The following ZBTB38 variants were observed in gnomAD, a reference collection of about 807,000 sequenced individuals.
ZBTB38 encodes the protein zinc finger and BTB domain containing 38.
ZBTB38 carries 20 observed loss-of-function variants against 76.8 expected under a neutral mutation model. The observed-to-expected ratio is 0.26, with a 90% CI of 0.18 to 0.38. The LOEUF is 0.38. Among genes scored for constraint, ZBTB38 ranks in the 10% least tolerant of loss-of-function variants. The pLI is 1.00. For synonymous variants in ZBTB38, 504 were observed against 544.2 expected (o/e 0.93, Z 1.03); for missense variants, 1,082 against 1,482.3 (o/e 0.73, Z 4.43).
rs1319336825 is a variant in ZBTB38 at position 141,406,059 on chromosome 3, A to ACTGTAT, written c.-1+2028_-1+2029insCTGTAT. Among the ~76,000 whole-genome samples the ACTGTAT allele has an allele frequency of 1.3e-3, 202 of 152,336 alleles. 1 individual carries two copies. Among genetic ancestry groups the ACTGTAT allele is most frequent in the African/African-American group, 4.5e-3 (188 of 41,564 alleles). On this transcript the variant is annotated intron_variant, in intron 5 of 5. Transcript: ENST00000321464. ...GGAGAAACTTGGAGCATATTCAGGG[A>ACTGTAT]AAAGCATCAAGTCCAACTGAGTTAG...
Position 141,443,491 on chromosome 3 carries a change from A to G in ZBTB38, c.1103A>G (p.Gln368Arg). The change falls in exon 6 of 6, where the codon CAG becomes CGG. Residue 368 changes from glutamine to arginine, a missense_variant. Coordinates refer to ENST00000321464, the MANE Select transcript of ZBTB38 (RefSeq NM_001376113.1). The surrounding 1 kb of genome is among the most constrained non-coding windows in gnomAD (Gnocchi z 5.6). The part of the protein sequence containing the change: ...SAHMQLHKPT[Q>R]EPLVCKYCNK... Reference sequence around the variant, plus strand: ...CACATGCAGCTTCACAAGCCAACCCAGGAGCCTTTAGTGTGCAAGTATTGC... The same window carrying G: ...CACATGCAGCTTCACAAGCCAACCCGGGAGCCTTTAGTGTGCAAGTATTGC... The G allele has an allele frequency of 1.2e-6, 2 of 1,614,220 alleles. No homozygotes were observed. Among genetic ancestry groups the G allele is most frequent in the Non-Finnish European group, 1.7e-6 (2 of 1,180,046 alleles).
Position 141,445,280 on chromosome 3 carries a change from G to C in ZBTB38, c.2892G>C (p.Lys964Asn), listed in dbSNP as rs772970534. The change falls in exon 6 of 6, where the codon AAG becomes AAC. Residue 964 changes from lysine to asparagine, a missense_variant. Physicochemically the swap from Lys to Asn is moderately conservative, Grantham distance 94. Coordinates refer to ENST00000321464, the MANE Select transcript of ZBTB38 (RefSeq NM_001376113.1). The surrounding 1 kb of genome is among the most constrained non-coding windows in gnomAD (Gnocchi z 6.5). ...YPAELDCAVG[K>N]APQDKPFEEE... ...CAGAACTGGATTGCGCCGTGGGGAA[G>C]GCTCCTCAGGATAAACCCTTTGAGG... 3.7e-6 allele frequency: 6 copies of C among 1,614,216 alleles called. No individual in the cohort carries two copies. Among genetic ancestry groups the C allele is most frequent in the Non-Finnish European group, 8.5e-7 (1 of 1,180,040 alleles).
At chr3:141,414,410 C>T (rs2073449915) in intron 5 of ZBTB38, among the ~76,000 whole-genome samples, 2 of 152,192 alleles carry the variant, frequency 1.3e-5, no homozygotes, top group Admixed American at 1.3e-4. Flanking sequence ...GTCTAAGGCC[C>T]AGCCCAGGGA....
chr3:141,434,113 G>A (rs1200044589), intron 5 of ZBTB38: 1 of 782,494 alleles, frequency 1.3e-6, no homozygotes, highest in Non-Finnish European at 1.6e-6. Context: ...AGCTCATAGG[G>A]AAGATATAAA....
chr3:141,328,723 G>A (rs977985386), intron 1 of ZBTB38, among the ~76,000 whole-genome samples: 1 of 152,062 alleles, frequency 6.6e-6, no homozygotes, highest in Non-Finnish European at 1.5e-5. Context: ...ACCCTCCAAG[G>A]CGCTCTGTCA....
At chr3:141,420,463 G>A (rs1243956798) in intron 5 of ZBTB38, among the ~76,000 whole-genome samples, 2 of 152,162 alleles carry the variant, frequency 1.3e-5, no homozygotes, top group African/African-American at 4.8e-5. Context: ...TTCTGGATCT[G>A]AGTTCAAGAG....
intron 5 of ZBTB38, among the ~76,000 whole-genome samples, chr3:141,439,998 C>T (rs1489878011): frequency 6.6e-6 from 1 of 152,158 alleles, no homozygotes; most frequent in Non-Finnish European, 1.5e-5. Context: ...TCCGGGGTCA[C>T]CCTTTCTCCC....
At chr3:141,375,901 G>A (rs1234922563) in intron 2 of ZBTB38, among the ~76,000 whole-genome samples, 1 of 152,228 alleles carries the variant, frequency 6.6e-6, no homozygotes, top group Admixed American at 6.5e-5. Context: ...TCTGACAGCA[G>A]GAGAGTAGGA....
At chr3:141,421,359 T>TTATTCC (rs1459603229) in intron 5 of ZBTB38, among the ~76,000 whole-genome samples, 2 of 151,436 alleles carry the variant, frequency 1.3e-5, no homozygotes, top group East Asian at 3.9e-4. Context: ...ACTCTTGGCC[T>TTATTCC]TAAACAGTCT....
At chr3:141,386,529 T>A (rs1053858599) in intron 3 of ZBTB38, 2 of 152,240 alleles carry the variant, frequency 1.3e-5, no homozygotes, top group African/African-American at 4.8e-5. Flanking sequence ...TTATCAAAAT[T>A]ATTTTTTACT....
rs546301267 is a variant in ZBTB38 at position 141,376,593 on chromosome 3, C to T, written c.-234-4832C>T. ...GGTGACTTTCCAAGAATGCCTGGGC[C>T]GGTTCAAGTCTTCACTATAATGTTT... On this transcript the variant is annotated intron_variant, in intron 2 of 5. Transcript: ENST00000321464. Among the ~76,000 whole-genome samples, 9 of 152,286 alleles carry T rather than the reference C, an allele frequency of 5.9e-5. No homozygotes were observed. The East Asian group carries it at 9.6e-4, about 16-fold the overall frequency.
chr3:141,437,992 A>G (rs775747089), intron 5 of ZBTB38, among the ~76,000 whole-genome samples: 4 of 151,790 alleles, frequency 2.6e-5, no homozygotes, highest in Non-Finnish European at 4.4e-5. Context: ...GCTCACTGCA[A>G]TCTCTGCCTC....
intron 5 of ZBTB38, among the ~76,000 whole-genome samples, chr3:141,423,100 G>C (rs1459925493): frequency 6.6e-6 from 1 of 152,148 alleles, no homozygotes; most frequent in East Asian, 1.9e-4. Flanking sequence ...TTCAGCTCCT[G>C]ACGATACGGC....
chr3:141,373,868 A>G (rs999169179), intron 2 of ZBTB38, among the ~76,000 whole-genome samples: 2 of 152,198 alleles, frequency 1.3e-5, no homozygotes, highest in African/African-American at 2.4e-5. Flanking sequence ...GGTGGCTCAC[A>G]CCGGAAATCC....
chr3:141,335,891 A>C (rs1464098012), intron 1 of ZBTB38, among the ~76,000 whole-genome samples: 1 of 152,270 alleles, frequency 6.6e-6, no homozygotes, highest in Non-Finnish European at 1.5e-5. Flanking sequence ...AGCACCTAGC[A>C]CAATGCTGAC....
intron 2 of ZBTB38, among the ~76,000 whole-genome samples, chr3:141,378,970 T>C (rs1032824958): frequency 9.9e-5 from 15 of 152,200 alleles, no homozygotes; most frequent in Non-Finnish European, 2.1e-4. Context: ...CAGATTACAC[T>C]CTTCACCTTC....
At chr3:141,419,781 G>A (rs2074931775) in intron 5 of ZBTB38, among the ~76,000 whole-genome samples, 1 of 152,162 alleles carries the variant, frequency 6.6e-6, no homozygotes, top group Non-Finnish European at 1.5e-5. Context: ...GAGGTCGGGA[G>A]TTTGAGACCA....
intron 5 of ZBTB38, among the ~76,000 whole-genome samples, chr3:141,428,271 A>G (rs1394855439): frequency 6.6e-6 from 1 of 152,186 alleles, no homozygotes; most frequent in Non-Finnish European, 1.5e-5. Context: ...TTGTATAACA[A>G]GCCTGCAGTT....
chr3:141,431,341 A>ATATATATATATATATATATAT (rs1553771300), intron 5 of ZBTB38, among the ~76,000 whole-genome samples: 4 of 103,282 alleles, frequency 3.9e-5, no homozygotes, highest in African/African-American at 1.2e-4. Flanking sequence ...AAAAAAAAAA[A>ATATATATATATATATATATAT]ATATATATAT....
Sources: gnomAD v4.1 joint callset for allele counts (sites outside exome capture counted in the v4.1 genomes callset) on GRCh38, gnomAD v4.1.1 for gene constraint, Gnocchi (gnomAD v3.1) non-coding constraint, MANE v1.5 for transcripts, NCBI Gene and HGNC (gene_info 2026-07-23, HGNC 2026-07-21) for gene names.